Variants in UNC5C observed in about 807,000 individuals in gnomAD.
UNC5C encodes the protein netrin receptor UNC5C.
UNC5C carries 47 observed loss-of-function variants against 99.8 expected under a neutral mutation model. That is an observed-to-expected ratio of 0.47 (90% CI 0.37 to 0.60). UNC5C has a LOEUF of 0.60. Ranked by LOEUF, UNC5C falls within the 20% of genes least tolerant of loss-of-function variation. The probability of loss-of-function intolerance (pLI) is 0.00; values close to 1 mark genes in which losing one functional copy is unlikely to be tolerated. For synonymous variants in UNC5C, 487 were observed against 452.2 expected, an observed-to-expected ratio of 1.08 and a Z score of -0.98; for missense variants, 1,062 against 1,165.9, an observed-to-expected ratio of 0.91 and a Z score of 1.30.
intron 1 of UNC5C, among the ~76,000 whole-genome samples, chr4:95,354,777 A>G (rs1744122181): frequency 6.6e-6 from 1 of 151,914 alleles, no homozygotes; most frequent in Non-Finnish European, 1.5e-5. Context: ...GTGAGTCACC[A>G]TGCCCAGCCA....
intron 1 of UNC5C, among the ~76,000 whole-genome samples, chr4:95,485,531 G>A (rs933573813): frequency 6.6e-6 from 1 of 151,632 alleles, no homozygotes; most frequent in Non-Finnish European, 1.5e-5. Context: ...CCTTCATGTG[G>A]CACCAAAGGA....
At chr4:95,273,928 T>A (rs1422215802) in intron 4 of UNC5C, among the ~76,000 whole-genome samples, 1 of 152,064 alleles carries the variant, frequency 6.6e-6, no homozygotes, top group Non-Finnish European at 1.5e-5. Flanking sequence ...AGAAACACCC[T>A]TTTTCTAGAG....
rs536735191 is a variant in UNC5C at position 95,502,599 on chromosome 4, GC to G, written c.124+46134del. ...TGACTTATATGGACAAACATTTTGT[GC>G]TAGACTTACATTTAATCTGAGCAGT... is the stretch of plus-strand genomic sequence containing the variant. On this transcript the variant is annotated intron_variant, in intron 1 of 15. Coordinates refer to ENST00000453304, the MANE Select transcript of UNC5C (RefSeq NM_003728.4). Among the ~76,000 whole-genome samples the G allele has an allele frequency of 5.9e-5, 9 of 152,260 alleles. No homozygotes were observed. The South Asian group carries it at 1.9e-3, about 32-fold the overall frequency.
chr4:95,364,704 A>G (rs1286441925), intron 1 of UNC5C, among the ~76,000 whole-genome samples: 1 of 152,136 alleles, frequency 6.6e-6, no homozygotes, highest in Middle Eastern at 3.2e-3. Context: ...TCATCCTAAG[A>G]TATTTCTAAG....
At chr4:95,171,443 A>G (rs1438821781) in intron 14 of UNC5C, among the ~76,000 whole-genome samples, 2 of 135,784 alleles carry the variant, frequency 1.5e-5, no homozygotes, top group African/African-American at 5.5e-5. Flanking sequence ...TCCTGTGTCC[A>G]TGTGTTCTCA....
At chr4:95,184,052 G>T (rs1194440225) in intron 13 of UNC5C, among the ~76,000 whole-genome samples, 2 of 152,156 alleles carry the variant, frequency 1.3e-5, no homozygotes, top group Admixed American at 1.3e-4. Context: ...AAAACAGGGA[G>T]ATTTATAGTA....
intron 1 of UNC5C, among the ~76,000 whole-genome samples, chr4:95,336,455 T>A (rs1030111239): frequency 6.6e-6 from 1 of 151,830 alleles, no homozygotes; most frequent in African/African-American, 2.4e-5. Context: ...AAAATTAAAA[T>A]TTTTTTACAA....
At chr4:95,286,393 A>G (rs1741235899) in intron 3 of UNC5C, among the ~76,000 whole-genome samples, 1 of 152,186 alleles carries the variant, frequency 6.6e-6, no homozygotes, top group Non-Finnish European at 1.5e-5. Context: ...TCTGAGAAGC[A>G]CTGGTTGATG....
chr4:95,520,352 T>G (rs1722319166), intron 1 of UNC5C, among the ~76,000 whole-genome samples: 1 of 152,198 alleles, frequency 6.6e-6, no homozygotes, highest in African/African-American at 2.4e-5. Flanking sequence ...CATTTTTCAT[T>G]TTTTAACACC....
chr4:95,227,325 A>AT (rs946722949), intron 7 of UNC5C, among the ~76,000 whole-genome samples: 2 of 151,306 alleles, frequency 1.3e-5, no homozygotes, highest in African/African-American at 2.4e-5. Flanking sequence ...TATTTAAAAA[A>AT]TTTTTTTTGT....
At chr4:95,439,797 C>A (rs571322416) in intron 1 of UNC5C, among the ~76,000 whole-genome samples, 8 of 152,176 alleles carry the variant, frequency 5.3e-5, no homozygotes, top group Admixed American at 2.0e-4. Flanking sequence ...GAAACGTAAA[C>A]CCATATGTCA....
intron 1 of UNC5C, among the ~76,000 whole-genome samples, chr4:95,458,430 T>C (rs1747505777): frequency 6.6e-6 from 1 of 152,108 alleles, no homozygotes; most frequent in Non-Finnish European, 1.5e-5. Flanking sequence ...GATATCTCTT[T>C]CTTTTTTCAT....
chr4:95,371,245 ATATCTTGACAG>A (rs1251888931), intron 1 of UNC5C, among the ~76,000 whole-genome samples: 5 of 152,062 alleles, frequency 3.3e-5, no homozygotes, highest in Admixed American at 3.3e-4. Context: ...TCCATAGGTT[ATATCTTGACAG>A]AAAAACGGAC....
intron 2 of UNC5C, among the ~76,000 whole-genome samples, chr4:95,314,275 C>T (rs1163606744): frequency 6.6e-6 from 1 of 152,108 alleles, no homozygotes. Context: ...GCAGATGAGG[C>T]TAGGTTCTTT....
chr4:95,287,603 C>T (rs4699840), intron 3 of UNC5C, among the ~76,000 whole-genome samples: 100,011 of 152,026 alleles, frequency 0.66, 33,876 homozygotes, highest in African/African-American at 0.83. Context: ...TAACTGACCA[C>T]GATATTCTTT....
At chr4:95,442,143 C>T (rs1177195871) in intron 1 of UNC5C, among the ~76,000 whole-genome samples, 2 of 152,084 alleles carry the variant, frequency 1.3e-5, no homozygotes, top group Admixed American at 1.3e-4. Flanking sequence ...ATTGAATTAT[C>T]TTTGAAGACT....
intron 1 of UNC5C, among the ~76,000 whole-genome samples, chr4:95,346,771 C>T (rs182090905): frequency 2.8e-4 from 43 of 152,016 alleles, no homozygotes; most frequent in African/African-American, 1.0e-3. Flanking sequence ...TACCTCACCA[C>T]ACTAAAAGTA....
intron 14 of UNC5C, among the ~76,000 whole-genome samples, chr4:95,173,745 G>A (rs1175781883): frequency 2.6e-5 from 4 of 152,144 alleles, no homozygotes; most frequent in Admixed American, 2.6e-4. Flanking sequence ...TCAGGATGAT[G>A]CTAGCCTCAT....
At chr4:95,355,175 A>AT (rs1744135838) in intron 1 of UNC5C, among the ~76,000 whole-genome samples, 1 of 152,096 alleles carries the variant, frequency 6.6e-6, no homozygotes, top group Non-Finnish European at 1.5e-5. Context: ...ATTTCACCAA[A>AT]TCTCAGTTTT....
Sources: allele counts gnomAD v4.1 joint callset (sites outside exome capture counted in the v4.1 genomes callset), GRCh38; gene constraint gnomAD v4.1.1; transcripts MANE v1.5; gene names NCBI Gene and HGNC (gene_info 2026-07-23, HGNC 2026-07-21).